Variants in RETREG1 observed in about 807,000 individuals in gnomAD.
The protein encoded by RETREG1 is family with sequence similarity 134 member B.
A neutral mutation model predicts 54.8 loss-of-function variants in RETREG1; 44 were observed. The ratio of observed to expected loss-of-function variants is 0.80; its 90% CI spans 0.63 to 1.03. The LOEUF is 1.03. Ranked by LOEUF, RETREG1 falls within the 50% of genes least tolerant of loss-of-function variation. RETREG1 has a pLI of 0.00. For synonymous variants in RETREG1, 217 were observed against 238.5 expected, an observed-to-expected ratio of 0.91 and a Z score of 0.83; for missense variants, 554 against 605.1, an observed-to-expected ratio of 0.92 and a Z score of 0.89.
intron 3 of RETREG1, chr5:16,508,590 C>T (rs1740054642): frequency 6.2e-7 from 1 of 1,614,026 alleles, no homozygotes; most frequent in Non-Finnish European, 8.5e-7. Context: ...TTTGCCTGGT[C>T]CAAAGTCTTC....
intron 1 of RETREG1, among the ~76,000 whole-genome samples, chr5:16,592,184 A>G (rs1742793577): frequency 6.6e-6 from 1 of 152,230 alleles, no homozygotes; most frequent in African/African-American, 2.4e-5. Context: ...ACCAAAAAAG[A>G]ATGAACTATT....
chr5:16,513,808 GACTGAA>G (rs1364152983), intron 3 of RETREG1, among the ~76,000 whole-genome samples: 1 of 152,156 alleles, frequency 6.6e-6, no homozygotes. Context: ...CCTCTCAGTT[GACTGAA>G]ACCCCTGTTC....
At position 16,593,767 on chromosome 5, in the gene RETREG1, T is replaced by A. The variant is rs1742833619; in HGVS notation, c.321-21665A>T. Among the ~76,000 whole-genome samples the A allele has an allele frequency of 6.6e-6, 1 of 152,194 alleles. No homozygotes were observed. ...TCTCCTAATTTGCCCCATACTAAAG[T>A]CATGTTGCAATGGTGTGGCTGAGGT... On this transcript the variant is annotated intron_variant, in intron 1 of 8. Transcript: ENST00000306320. The surrounding 1 kb of genome is among the most constrained non-coding windows in gnomAD (Gnocchi z 4.9).
Position 16,593,793 on chromosome 5 carries a change from CAA to C in RETREG1, c.321-21693_321-21692del, listed in dbSNP as rs1742835045. On this transcript the variant is annotated intron_variant, in intron 1 of 8. Transcript: ENST00000306320. The surrounding 1 kb of genome is among the most constrained non-coding windows in gnomAD (Gnocchi z 4.9). The stretch of plus-strand genomic sequence containing the variant: ...CATGTTGCAATGGTGTGGCTGAGGT[CAA>C]AGAGAATGGTGCTCTGCTGACTCAT... 6.6e-6 allele frequency among the ~76,000 whole-genome samples: 1 copy of C among 152,158 alleles called. No homozygotes were observed. The highest frequency in any genetic ancestry group is 1.5e-5 in the Non-Finnish European group (1 of 68,040).
At position 16,473,232 on chromosome 5, in the gene RETREG1, A is replaced by G. The variant is rs1199039286; in HGVS notation, c.*1509T>C. 6.6e-6 allele frequency: 1 copy of G among 152,554 alleles called. No individual in the cohort carries two copies. The highest frequency in any genetic ancestry group is 1.5e-5 in the Non-Finnish European group (1 of 68,002). The allele number at this position is 152,554 out of a possible 1,614,324, so 9.5% of individuals were successfully genotyped here. A position where few individuals can be genotyped will look rare whatever the true frequency, so the allele number is the denominator to read the frequency against. Reference sequence around the variant, plus strand: ...CACTTTGTATCAATAAAGGACATCAAACACAGTCATGAGGCACTAATGACA... The same window carrying G: ...CACTTTGTATCAATAAAGGACATCAGACACAGTCATGAGGCACTAATGACA... On this transcript the variant is annotated 3_prime_UTR_variant, in exon 9 of 9. Transcript: ENST00000306320.
chr5:16,561,543 AC>A lies in RETREG1; in HGVS notation c.458+4219del, dbSNP rs1464817662. On this transcript the variant is annotated intron_variant, in intron 3 of 8. Coordinates refer to ENST00000306320, the MANE Select transcript of RETREG1 (RefSeq NM_001034850.3). The surrounding 1 kb of genome is among the most constrained non-coding windows in gnomAD (Gnocchi z 4.2). ...AAATAAAATAAAATAAAATACAAAT[AC>A]AAATAAATGGTATTTCCAGTAGCCT... Among the ~76,000 whole-genome samples, 1 of 152,048 alleles carries A rather than the reference AC, an allele frequency of 6.6e-6. No individual in the cohort carries two copies. Among genetic ancestry groups the A allele is most frequent in the Non-Finnish European group, 1.5e-5 (1 of 68,002 alleles).
chr5:16,525,507 G>A (rs908735124), intron 3 of RETREG1, among the ~76,000 whole-genome samples: 1 of 152,154 alleles, frequency 6.6e-6, no homozygotes, highest in Non-Finnish European at 1.5e-5. Context: ...ACACCCCAAA[G>A]GCACCAGCAA....
chr5:16,481,571 C>T lies in RETREG1; in HGVS notation c.586-478G>A, dbSNP rs150873698. On this transcript the variant is annotated intron_variant, in intron 4 of 8. Coordinates refer to ENST00000306320, the MANE Select transcript of RETREG1 (RefSeq NM_001034850.3). ...ATTAGAGGTATCTACACAAATCTAA[C>T]GTAATTTACACAAATCTAATGTAAT... 4.0e-4 allele frequency among the ~76,000 whole-genome samples: 61 copies of T among 152,124 alleles called. 1 individual carries two copies. Among genetic ancestry groups the T allele is most frequent in the East Asian group, 3.1e-3 (16 of 5,176 alleles).
chr5:16,568,997 G>A (rs1273055971), intron 2 of RETREG1, among the ~76,000 whole-genome samples: 1 of 152,170 alleles, frequency 6.6e-6, no homozygotes, highest in East Asian at 1.9e-4. Context: ...TATAAGCCGG[G>A]GCATCTAACA....
At chr5:16,544,462 C>G (rs1017481353) in intron 3 of RETREG1, among the ~76,000 whole-genome samples, 4 of 152,158 alleles carry the variant, frequency 2.6e-5, no homozygotes, top group African/African-American at 9.7e-5. Context: ...TGTGGATCAT[C>G]CCAATAATAT....
At chr5:16,534,962 A>G (rs1158909714) in intron 3 of RETREG1, among the ~76,000 whole-genome samples, 1 of 152,222 alleles carries the variant, frequency 6.6e-6, no homozygotes, top group African/African-American at 2.4e-5. Flanking sequence ...GGGATAGATA[A>G]GAGAAACATG....
At chr5:16,484,153 G>A (rs373239396) in intron 3 of RETREG1, among the ~76,000 whole-genome samples, 1 of 152,072 alleles carries the variant, frequency 6.6e-6, no homozygotes, top group East Asian at 1.9e-4. Context: ...CATCTAGAAT[G>A]TGTTGAGTGT....
chr5:16,486,040 A>G (rs1161824329), intron 3 of RETREG1, among the ~76,000 whole-genome samples: 1 of 152,196 alleles, frequency 6.6e-6, no homozygotes, highest in Non-Finnish European at 1.5e-5. Context: ...AAAGCTTCAT[A>G]TAATAGTTTT....
chr5:16,520,130 G>A (rs1302839566), intron 3 of RETREG1, among the ~76,000 whole-genome samples: 1 of 152,174 alleles, frequency 6.6e-6, no homozygotes, highest in Non-Finnish European at 1.5e-5. Context: ...TGGGAGAGAA[G>A]GCCAGGAGAG....
At chr5:16,544,062 G>A (rs112727481) in intron 3 of RETREG1, among the ~76,000 whole-genome samples, 92 of 138,700 alleles carry the variant, frequency 6.6e-4, no homozygotes, top group Middle Eastern at 8.0e-3. Flanking sequence ...TGCAACCTCC[G>A]CCTCCTGGGT....
At chr5:16,514,573 AT>A (rs1364084272) in intron 3 of RETREG1, among the ~76,000 whole-genome samples, 1 of 152,078 alleles carries the variant, frequency 6.6e-6, no homozygotes, top group Non-Finnish European at 1.5e-5. Flanking sequence ...AACAAGTGGT[AT>A]TTGGTTACAT....
At chr5:16,582,393 A>AT (rs11322422) in intron 1 of RETREG1, among the ~76,000 whole-genome samples, 4,806 of 147,950 alleles carry the variant, frequency 0.032, 202 homozygotes, top group African/African-American at 0.1. Context: ...TATTTCTCCT[A>AT]TTTTTTTTTT....
intron 1 of RETREG1, among the ~76,000 whole-genome samples, chr5:16,584,119 T>A (rs1373810012): frequency 6.6e-6 from 1 of 151,994 alleles, no homozygotes; most frequent in African/African-American, 2.4e-5. Context: ...ATAATGACAA[T>A]GGGCTTCAGA....
intron 1 of RETREG1, among the ~76,000 whole-genome samples, chr5:16,582,071 C>T (rs1457341427): frequency 6.6e-6 from 1 of 152,144 alleles, no homozygotes; most frequent in Non-Finnish European, 1.5e-5. Flanking sequence ...TATACATATA[C>T]ATATCATGAT....
Sources: allele counts gnomAD v4.1 joint callset (sites outside exome capture counted in the v4.1 genomes callset), GRCh38; gene constraint gnomAD v4.1.1; non-coding constraint Gnocchi (gnomAD v3.1); transcripts MANE v1.5; gene names NCBI Gene and HGNC (gene_info 2026-07-23, HGNC 2026-07-21).